ABLIM2: variants seen among roughly 807,000 people sequenced by gnomAD.
ABLIM2 encodes the protein actin-binding LIM protein 2.
ABLIM2 carries 53 observed loss-of-function variants against 97.7 expected under a neutral mutation model. The ratio of observed to expected loss-of-function variants is 0.54; its 90% CI spans 0.44 to 0.68. The LOEUF (loss-of-function observed/expected upper bound fraction) is 0.68, where lower values mean the gene tolerates loss of function less well. Ranked by LOEUF, ABLIM2 falls within the 30% of genes least tolerant of loss-of-function variation. The pLI is 0.00. For missense variants in ABLIM2, 835 were observed against 867.2 expected, an observed-to-expected ratio of 0.96 and a Z score of 0.47; for synonymous variants, 361 against 345.8, an observed-to-expected ratio of 1.04 and a Z score of -0.49.
intron 3 of ABLIM2, among the ~76,000 whole-genome samples, chr4:8,091,351 A>AT (rs1561326003): frequency 2.6e-4 from 5 of 19,416 alleles, no homozygotes; most frequent in Admixed American, 8.1e-4. Context: ...ATATATATAT[A>AT]ATTATATATA....
At chr4:7,980,779 C>T (rs950160264) in intron 20 of ABLIM2, among the ~76,000 whole-genome samples, 10 of 151,526 alleles carry the variant, frequency 6.6e-5, no homozygotes, top group Non-Finnish European at 1.2e-4. Context: ...TTCCAGAATC[C>T]CTTTCCCTTT....
chr4:8,099,710 T>A (rs982571796), intron 2 of ABLIM2, among the ~76,000 whole-genome samples: 2 of 152,034 alleles, frequency 1.3e-5, no homozygotes, highest in Non-Finnish European at 2.9e-5. Flanking sequence ...CCGGGCGTGG[T>A]GGCGGGCGCC....
At chr4:8,036,601 A>C (rs1038862582) in intron 9 of ABLIM2, among the ~76,000 whole-genome samples, 1 of 152,234 alleles carries the variant, frequency 6.6e-6, no homozygotes, top group Non-Finnish European at 1.5e-5. Context: ...ACTCCAGAGC[A>C]GGCAGGCTTG....
chr4:8,039,872 CTGTT>C (rs1271539903), intron 9 of ABLIM2, among the ~76,000 whole-genome samples: 10 of 90,028 alleles, frequency 1.1e-4, no homozygotes, highest in African/African-American at 3.9e-4. Context: ...GTGCTGATTA[CTGTT>C]TTTTTTTTTT....
At chr4:8,129,172 T>C (rs1242155415) in intron 1 of ABLIM2, among the ~76,000 whole-genome samples, 1 of 152,222 alleles carries the variant, frequency 6.6e-6, no homozygotes, top group Non-Finnish European at 1.5e-5. Flanking sequence ...CTTTTAACAT[T>C]TCCCCAAGCT....
chr4:7,966,839 C>G lies in ABLIM2; in HGVS notation c.*151G>C. 1 of 603,802 alleles carries G rather than the reference C, an allele frequency of 1.7e-6. No homozygotes were observed. The highest frequency in any genetic ancestry group is 2.9e-6 in the Non-Finnish European group (1 of 343,366). The allele number at this position is 603,802 out of a possible 1,614,324, so 37.4% of individuals were successfully genotyped here. A position where few individuals can be genotyped will look rare whatever the true frequency, so the allele number is the denominator to read the frequency against. Reference sequence around the variant, plus strand: ...CCGGCAGGAGTGTCGCCGGCAGGTGCAGGGGCCGCACCTGCTGGGGGACCC... The same window carrying G: ...CCGGCAGGAGTGTCGCCGGCAGGTGGAGGGGCCGCACCTGCTGGGGGACCC... On this transcript the variant is annotated 3_prime_UTR_variant, in exon 21 of 21. Coordinates refer to ENST00000447017, the MANE Select transcript of ABLIM2 (RefSeq NM_001130083.2).
Position 8,106,592 on chromosome 4 carries a change from C to T in ABLIM2, c.56G>A (p.Ser19Asn), listed in dbSNP as rs368193319. 19 of 1,611,804 alleles carry T rather than the reference C, an allele frequency of 1.2e-5. No homozygotes were observed. The African/African-American group carries it at 2.4e-4, about 20-fold the overall frequency. ...AAPSPLEKSP[S>N]TAILCNTCGN... Reference sequence around the variant, plus strand: ...ACACGTGTTGCACAGGATCGCCGTGCTGGGCGACTTCTCCAGCGGGCTGGG... The same window carrying T: ...ACACGTGTTGCACAGGATCGCCGTGTTGGGCGACTTCTCCAGCGGGCTGGG... The change falls in exon 2 of 21, where the codon AGC becomes AAC. Residue 19 changes from serine to asparagine, a missense_variant. Transcript: ENST00000447017.
intron 20 of ABLIM2, among the ~76,000 whole-genome samples, chr4:7,971,949 G>A (rs1356374171): frequency 6.6e-6 from 1 of 152,114 alleles, no homozygotes; most frequent in South Asian, 2.1e-4. Context: ...TTCTCCCAAG[G>A]CCTGGGCTCC....
chr4:8,123,295 C>G lies in ABLIM2; in HGVS notation c.11-16658G>C, dbSNP rs146805535. Among the ~76,000 whole-genome samples the G allele has an allele frequency of 6.6e-6, 1 of 152,164 alleles. No homozygotes were observed. The highest frequency in any genetic ancestry group is 1.5e-5 in the Non-Finnish European group (1 of 68,022). ...CCCCATCTCCAACTGGCATGAGAGG[C>G]GTTGTCACCCTCAGGCTGCAGGCAA... On this transcript the variant is annotated intron_variant, in intron 1 of 20. Coordinates refer to ENST00000447017, the MANE Select transcript of ABLIM2 (RefSeq NM_001130083.2). This position sits in a 1 kb window ranked among gnomAD's most constrained non-coding sequence, Gnocchi z 6.2.
In ABLIM2 at chr4:7,966,815, C is replaced by A; in HGVS notation, c.*175G>T. ...GCTAGCCGTCTCGGCCCTAAACTAC[C>A]GGCAGGAGTGTCGCCGGCAGGTGCA... On this transcript the variant is annotated 3_prime_UTR_variant, in exon 21 of 21. Transcript: ENST00000447017. The A allele has an allele frequency of 3.4e-6, 2 of 585,262 alleles. No homozygotes were observed. The highest frequency in any genetic ancestry group is 2.2e-5 in the South Asian group (1 of 46,476). 36.3% of individuals were successfully genotyped at this position (585,262 alleles called of 1,614,324 possible).
At chr4:8,018,498 G>T (rs1298811199) in intron 14 of ABLIM2, among the ~76,000 whole-genome samples, 1 of 152,202 alleles carries the variant, frequency 6.6e-6, no homozygotes, top group African/African-American at 2.4e-5. Context: ...TTCTCTGGTG[G>T]AAAGGCAATG....
At chr4:8,045,910 G>A (rs1044041760) in intron 8 of ABLIM2, among the ~76,000 whole-genome samples, 3 of 152,068 alleles carry the variant, frequency 2.0e-5, no homozygotes, top group Admixed American at 2.0e-4. Context: ...GGACCATCTT[G>A]GTCACCCTGA....
Position 7,969,712 on chromosome 4 carries a change from CTCTT to C in ABLIM2, c.1825-2613_1825-2610del, listed in dbSNP as rs954745224. ...TTGAATCTGGGCTCAGAGTCAGTCT[CTCTT>C]TCTCTCTCTCTCTGACACACACACA... On this transcript the variant is annotated intron_variant, in intron 20 of 20. Transcript: ENST00000447017. Among the ~76,000 whole-genome samples, 46 of 133,538 alleles carry C rather than the reference CTCTT, an allele frequency of 3.4e-4. 2 individuals carry two copies. Among genetic ancestry groups the C allele is most frequent in the Admixed American group, 2.8e-3 (35 of 12,434 alleles). 87.6% of individuals were successfully genotyped at this position (133,538 alleles called of 152,430 possible). A position where few individuals can be genotyped will look rare whatever the true frequency, so the allele number is the denominator to read the frequency against.
At position 8,032,621 on chromosome 4, in the gene ABLIM2, G is replaced by A. The variant is rs763989123; in HGVS notation, c.1048-2845C>T. The stretch of plus-strand genomic sequence containing the variant: ...CCCAGGCAGCAGCGCCACGGCAAGC[G>A]GGGACAGGCGAGAGGGTGGTGGTTA... On this transcript the variant is annotated intron_variant, in intron 10 of 20. Transcript: ENST00000447017. This position sits in a 1 kb window ranked among gnomAD's most constrained non-coding sequence, Gnocchi z 4.3. The A allele has an allele frequency of 2.3e-5, 37 of 1,612,268 alleles. No individual in the cohort carries two copies. The highest frequency in any genetic ancestry group is 2.0e-4 in the East Asian group (9 of 44,860).
rs192726364 is a variant in ABLIM2, at chr4:8,088,281, C to A, written c.342G>T (p.Leu114=). Residue 114 remains leucine (L), a synonymous_variant, in exon 4 of 21, where the codon CTG becomes CTT. Coordinates refer to ENST00000447017, the MANE Select transcript of ABLIM2 (RefSeq NM_001130083.2). ...PDCFVCAVCR[L]PFPPGDRVTF... ...TCACTCGGTCCCCGGGGGGGAAGGGCAGCCTGAAACAAGAGAGCTCGTTAC... is the reference window on the plus strand; with the variant it reads ...TCACTCGGTCCCCGGGGGGGAAGGGAAGCCTGAAACAAGAGAGCTCGTTAC... 9 of 1,611,698 alleles carry A rather than the reference C, an allele frequency of 5.6e-6. No homozygotes were observed. Among genetic ancestry groups the A allele is most frequent in the African/African-American group, 1.3e-5 (1 of 74,904 alleles).
chr4:7,967,432 T>C (rs893820003), intron 20 of ABLIM2, among the ~76,000 whole-genome samples: 7 of 152,160 alleles, frequency 4.6e-5, no homozygotes, highest in African/African-American at 1.7e-4. Context: ...TGCGTGCAAA[T>C]GTCTGAGCTT....
At chr4:8,024,852 G>A (rs1776296417) in intron 12 of ABLIM2, among the ~76,000 whole-genome samples, 1 of 152,220 alleles carries the variant, frequency 6.6e-6, no homozygotes, top group African/African-American at 2.4e-5. Flanking sequence ...GGGGAGTCTA[G>A]TAGGGGCAGA....
In ABLIM2 at chr4:8,020,237, G is replaced by GT; in HGVS notation, c.1333dup (p.Thr445AsnfsTer19). The GT allele has an allele frequency of 6.2e-7, 1 of 1,613,956 alleles. No homozygotes were observed. The highest frequency in any genetic ancestry group is 1.7e-4 in the Middle Eastern group (1 of 6,056). ...GAAGTGGCGAGGTGCCTGCTGGTAG[G>GT]TGGAGGGGGGCGGCTTGCTGTCAGA... On this transcript the variant is annotated frameshift_variant, in exon 13 of 21. Transcript: ENST00000447017. LOFTEE classifies it high-confidence loss of function.
chr4:8,106,758 G>A (rs1259973163), intron 1 of ABLIM2, 121 bp from the exon 2 acceptor site: 4 of 1,230,368 alleles, frequency 3.3e-6, no homozygotes, highest in Non-Finnish European at 3.3e-6. Context: ...CCACCAGCAC[G>A]AGCCGCACGG....
Sources: allele counts gnomAD v4.1 joint callset (sites outside exome capture counted in the v4.1 genomes callset), GRCh38; gene constraint gnomAD v4.1.1; non-coding constraint Gnocchi (gnomAD v3.1); transcripts MANE v1.5; gene names NCBI Gene and HGNC (gene_info 2026-07-23, HGNC 2026-07-21).